The following DNAH11 variants were observed in gnomAD, a reference collection of about 807,000 sequenced individuals.
DNAH11 encodes the protein axonemal beta dynein heavy chain 11.
A neutral mutation model predicts 526.0 loss-of-function variants in DNAH11; 442 were observed. The observed-to-expected ratio is 0.84, with a 90% CI of 0.78 to 0.91. DNAH11 has a LOEUF of 0.91. Among genes scored for constraint, DNAH11 ranks in the 40% least tolerant of loss-of-function variants. DNAH11 has a pLI of 0.00. For synonymous variants in DNAH11, 2,461 were observed against 1,935.9 expected, an observed-to-expected ratio of 1.27 and a Z score of -7.12; for missense variants, 6,989 against 5,448.7, an observed-to-expected ratio of 1.28 and a Z score of -8.90.
chr7:21,617,922 C>A, intron 23 of DNAH11, 145 bp downstream of exon 23: 1 of 954,800 alleles, frequency 1.0e-6, no homozygotes, highest in Non-Finnish European at 1.5e-6. Flanking sequence ...TTTTTGCTGT[C>A]TAGAAAAAGT....
chr7:21,623,979 A>AT (rs1786207091), intron 25 of DNAH11, among the ~76,000 whole-genome samples: 2 of 151,182 alleles, frequency 1.3e-5, no homozygotes, highest in African/African-American at 4.8e-5. Context: ...AATAATAATA[A>AT]AATAAAAATA....
Position 21,854,397 on chromosome 7 carries a change from T to C in DNAH11, c.11144T>C (p.Leu3715Pro), listed in dbSNP as rs1179697599. ...YRPVAARASLLYFVINDLQKI... is the reference protein window; with the variant it reads ...YRPVAARASLPYFVINDLQKI... ...CCAGTGGCAGCAAGAGCATCTCTTC[T>C]TTATTTTGTTATTAATGACCTCCAA... The change falls in exon 68 of 82, where the codon CTT (leucine) becomes CCT (proline). Residue 3715 changes from leucine (L) to proline (P), a missense_variant. Transcript: ENST00000409508. The C allele has an allele frequency of 6.2e-7, 1 of 1,613,858 alleles. No homozygotes were observed. The highest frequency in any genetic ancestry group is 2.2e-5 in the East Asian group (1 of 44,856).
intron 35 of DNAH11, among the ~76,000 whole-genome samples, chr7:21,697,516 C>T (rs1406596291): frequency 1.3e-5 from 2 of 152,132 alleles, no homozygotes; most frequent in African/African-American, 4.8e-5. Context: ...ATAAACACCC[C>T]AAACTGGTCA....
chr7:21,711,686 G>A lies in DNAH11; in HGVS notation c.6835-26G>A, dbSNP rs747331376. The A allele has an allele frequency of 8.1e-6, 13 of 1,601,768 alleles. No homozygotes were observed. In the Middle Eastern group the frequency reaches 5.0e-4, roughly 62 times the overall value. On this transcript the variant is annotated intron_variant, in intron 41 of 81. Coordinates refer to ENST00000409508, the MANE Select transcript of DNAH11 (RefSeq NM_001277115.2). ...TGTTTGCGGCATTGCTTTTGCCCATGGGTGACAGTGTGCTGCTCACTCCAG... is the reference window on the plus strand; with the variant it reads ...TGTTTGCGGCATTGCTTTTGCCCATAGGTGACAGTGTGCTGCTCACTCCAG...
intron 25 of DNAH11, among the ~76,000 whole-genome samples, chr7:21,625,909 C>T (rs1170516835): frequency 6.6e-6 from 1 of 151,992 alleles, no homozygotes; most frequent in African/African-American, 2.4e-5. Context: ...GATTATCTGG[C>T]AGACTTGGAA....
At chr7:21,782,965 T>G (rs1436882991) in intron 57 of DNAH11, among the ~76,000 whole-genome samples, 1 of 151,450 alleles carries the variant, frequency 6.6e-6, no homozygotes, top group Non-Finnish European at 1.5e-5. Context: ...CTTTAAGGTT[T>G]TATCCAGTAC....
At chr7:21,895,721 G>A (rs1041069925) in intron 79 of DNAH11, among the ~76,000 whole-genome samples, 1 of 152,008 alleles carries the variant, frequency 6.6e-6, no homozygotes, top group Non-Finnish European at 1.5e-5. Flanking sequence ...ATTGTAGCAT[G>A]CACACTTTTG....
chr7:21,726,052 G>T (rs1007708623), intron 45 of DNAH11, 68 bp downstream of exon 45: 2 of 1,377,930 alleles, frequency 1.5e-6, no homozygotes, highest in Non-Finnish European at 9.6e-7. Context: ...ACCTGCAACT[G>T]GGTAATTTAT....
intron 20 of DNAH11, among the ~76,000 whole-genome samples, chr7:21,607,462 G>C (rs1785338083): frequency 6.6e-6 from 1 of 152,126 alleles, no homozygotes; most frequent in South Asian, 2.1e-4. Context: ...TTGACAGTCA[G>C]TATTAACTAT....
rs1184659626 is a variant in DNAH11, at chr7:21,687,232, T to A, written c.5755T>A (p.Cys1919Ser). The A allele has an allele frequency of 1.9e-6, 3 of 1,594,228 alleles. No individual in the cohort carries two copies. The South Asian group carries it at 3.4e-5, about 18-fold the overall frequency. ...ALGMMVYVFN[C>S]SEQMDYKSIG... ...TGGCATGATGGTCTATGTATTCAACTGTTCAGAGCAAATGGACTACAAAGT... is the reference window on the plus strand; with the variant it reads ...TGGCATGATGGTCTATGTATTCAACAGTTCAGAGCAAATGGACTACAAAGT... Residue 1919 changes from cysteine to serine, a missense_variant, in exon 33 of 82, where the codon TGT (cysteine) becomes AGT (serine). Physicochemically the swap from Cys to Ser is moderately radical, Grantham distance 112. Coordinates refer to ENST00000409508, the MANE Select transcript of DNAH11 (RefSeq NM_001277115.2).
chr7:21,832,554 T>C (rs1380244593), intron 65 of DNAH11, among the ~76,000 whole-genome samples: 1 of 152,202 alleles, frequency 6.6e-6, no homozygotes, highest in Non-Finnish European at 1.5e-5. Flanking sequence ...TGACTCTTTA[T>C]CCAATTTGCC....
chr7:21,559,684 A>C lies in DNAH11; in HGVS notation c.774A>C (p.Ile258=). Residue 258 remains isoleucine (I), a synonymous_variant, in exon 4 of 82, where the codon ATA becomes ATC. Transcript: ENST00000409508. ...GGTCACATCAAATCCAAGAAATTATAGAAAGAGATTCAGTGCAGCGTTTGT... is the reference window on the plus strand; with the variant it reads ...GGTCACATCAAATCCAAGAAATTATCGAAAGAGATTCAGTGCAGCGTTTGT... The part of the protein sequence containing the change: ...IEWSHQIQEI[I]ERDSVQRLLN... 6.2e-7 allele frequency: 1 copy of C among 1,611,714 alleles called. No homozygotes were observed.
intron 20 of DNAH11, 78 bp downstream of exon 20, chr7:21,606,811 C>T: frequency 8.3e-7 from 1 of 1,208,468 alleles, no homozygotes; most frequent in Non-Finnish European, 1.2e-6. Flanking sequence ...AAAATACTGC[C>T]ACATTTTGTC....
chr7:21,898,715 A>G (rs1014645823), intron 79 of DNAH11, among the ~76,000 whole-genome samples: 2 of 152,136 alleles, frequency 1.3e-5, no homozygotes, highest in Non-Finnish European at 2.9e-5. Context: ...ACCTTGCCCA[A>G]TTGTGAGGAG....
chr7:21,875,134 T>C (rs1486657038), intron 74 of DNAH11, among the ~76,000 whole-genome samples: 1 of 152,220 alleles, frequency 6.6e-6, no homozygotes, highest in Non-Finnish European at 1.5e-5. Context: ...ATTGTGTAAA[T>C]AGTAGGACTC....
intron 65 of DNAH11, among the ~76,000 whole-genome samples, chr7:21,824,381 C>A (rs1208399704): frequency 6.6e-6 from 1 of 151,964 alleles, no homozygotes; most frequent in Non-Finnish European, 1.5e-5. Flanking sequence ...TGTATCAGTT[C>A]CATAAAGTCT....
At chr7:21,624,905 A>G (rs991004102) in intron 25 of DNAH11, among the ~76,000 whole-genome samples, 4 of 151,940 alleles carry the variant, frequency 2.6e-5, no homozygotes, top group African/African-American at 9.7e-5. Flanking sequence ...ATGGTGAATG[A>G]TCTTTTTTAG....
At chr7:21,756,945 T>C (rs952276271) in intron 54 of DNAH11, among the ~76,000 whole-genome samples, 5 of 152,226 alleles carry the variant, frequency 3.3e-5, no homozygotes, top group Non-Finnish European at 5.9e-5. Context: ...CAATTCATTT[T>C]ACACATTTCT....
At chr7:21,591,953 C>T (rs1784702323) in intron 14 of DNAH11, among the ~76,000 whole-genome samples, 1 of 152,156 alleles carries the variant, frequency 6.6e-6, no homozygotes, top group Non-Finnish European at 1.5e-5. Flanking sequence ...CCCTCTCAAC[C>T]ATCTCCTAAG....
Sources: allele counts gnomAD v4.1 joint callset (sites outside exome capture counted in the v4.1 genomes callset), GRCh38; gene constraint gnomAD v4.1.1; transcripts MANE v1.5; gene names NCBI Gene and HGNC (gene_info 2026-07-23, HGNC 2026-07-21).